The following FMO1 variants were observed in gnomAD, a reference collection of about 807,000 sequenced individuals.
FMO1 encodes flavin containing dimethylaniline monoxygenase 1, also known as flavin-containing monooxygenase 1.
In FMO1, 36 loss-of-function variants were observed where a neutral mutation model predicts 45.4. The ratio of observed to expected loss-of-function variants is 0.79; its 90% CI spans 0.61 to 1.05. FMO1 has a LOEUF of 1.05. Ranked by LOEUF, FMO1 falls within the 50% of genes least tolerant of loss-of-function variation. FMO1 has a pLI of 0.00. For synonymous variants in FMO1, 228 were observed against 227.2 expected, an observed-to-expected ratio of 1.00 and a Z score of -0.03; for missense variants, 615 against 640.3, an observed-to-expected ratio of 0.96 and a Z score of 0.43.
At chr1:171,274,449 A>G (rs879622448) in intron 3 of FMO1, among the ~76,000 whole-genome samples, 9 of 151,912 alleles carry the variant, frequency 5.9e-5, no homozygotes, top group Admixed American at 3.9e-4. Flanking sequence ...TTTTTTGTAA[A>G]GATGGGATTT....
chr1:171,283,039 G>T, intron 7 of FMO1, 105 bp from the exon 8 acceptor site: 2 of 693,448 alleles, frequency 2.9e-6, no homozygotes, highest in Non-Finnish European at 5.1e-6. Context: ...ATGAGTAGCT[G>T]GTACTAGACG....
At chr1:171,285,045 A>G (rs528505194) in intron 8 of FMO1, among the ~76,000 whole-genome samples, 157 bp from the exon 9 acceptor site, 28 of 152,360 alleles carry the variant, frequency 1.8e-4, no homozygotes, top group African/African-American at 6.3e-4. Flanking sequence ...TTTAAGAAAC[A>G]GAAGGAGACC....
chr1:171,265,390 C>T (rs1279859353), intron 2 of FMO1, among the ~76,000 whole-genome samples: 4 of 120,536 alleles, frequency 3.3e-5, no homozygotes, highest in Non-Finnish European at 6.8e-5. Context: ...GGCTCCGTCT[C>T]AAAAAAAGAA....
At chr1:171,281,778 T>C (rs536869155) in intron 6 of FMO1, among the ~76,000 whole-genome samples, 200 bp from the exon 7 acceptor site, 1 of 152,270 alleles carries the variant, frequency 6.6e-6, no homozygotes, top group East Asian at 1.9e-4. Context: ...TTCCAAACTC[T>C]AGTAAATGGC....
chr1:171,254,581 A>C (rs2101792643), intron 1 of FMO1, among the ~76,000 whole-genome samples: 1 of 152,280 alleles, frequency 6.6e-6, no homozygotes, highest in Admixed American at 6.5e-5. Flanking sequence ...ATATATACAG[A>C]AGACTAATAG....
At chr1:171,256,637 A>G (rs992296090) in intron 1 of FMO1, among the ~76,000 whole-genome samples, 4 of 152,150 alleles carry the variant, frequency 2.6e-5, no homozygotes, top group Non-Finnish European at 4.4e-5. Context: ...TGTTGCTTGA[A>G]AAAAGAGGAC....
intron 1 of FMO1, among the ~76,000 whole-genome samples, chr1:171,250,470 G>A (rs1288765466): frequency 6.6e-6 from 1 of 152,204 alleles, no homozygotes; most frequent in Admixed American, 6.5e-5. Context: ...GTTTGGTAAT[G>A]ACAGGCGTCA....
At chr1:171,285,149 A>C in intron 8 of FMO1, 53 bp from the exon 9 acceptor site, 1 of 1,237,746 alleles carries the variant, frequency 8.1e-7, no homozygotes, top group Admixed American at 2.3e-5. Context: ...ACTTGTTCTA[A>C]GATTATCAGT....
chr1:171,282,079 C>A lies in FMO1; in HGVS notation c.929C>A (p.Ser310Tyr). The A allele has an allele frequency of 6.2e-7, 1 of 1,613,818 alleles. No individual in the cohort carries two copies. The highest frequency in any genetic ancestry group is 8.5e-7 in the Non-Finnish European group (1 of 1,179,790). ...AGCATAAAAGAGGTAAAGGAAAACTCTGTCATATTTAACAATACTTCAAAG... is the reference window on the plus strand; with the variant it reads ...AGCATAAAAGAGGTAAAGGAAAACTATGTCATATTTAACAATACTTCAAAG... The part of the protein sequence containing the change: ...RPSIKEVKEN[S>Y]VIFNNTSKEE... Residue 310 changes from serine to tyrosine, a missense_variant, in exon 7 of 9, where the codon TCT becomes TAT. Physicochemically the swap from Ser to Tyr is moderately radical, Grantham distance 144 (BLOSUM62 -2). Coordinates refer to ENST00000617670, the MANE Select transcript of FMO1 (RefSeq NM_001282693.2).
At chr1:171,268,807 A>G (rs939224153) in intron 3 of FMO1, among the ~76,000 whole-genome samples, 4 of 152,170 alleles carry the variant, frequency 2.6e-5, no homozygotes, top group African/African-American at 9.7e-5. Context: ...CACGACCTTA[A>G]AAGTCCTCTG....
chr1:171,268,189 T>C (rs1010713965), intron 3 of FMO1, among the ~76,000 whole-genome samples: 1 of 152,132 alleles, frequency 6.6e-6, no homozygotes, highest in African/African-American at 2.4e-5. Flanking sequence ...TAAGCTCAGG[T>C]GATTCTCCCA....
chr1:171,282,183 G>T lies in FMO1; in HGVS notation c.1033G>T (p.Val345Phe), dbSNP rs1201200614. The T allele has an allele frequency of 6.2e-7, 1 of 1,614,046 alleles. No homozygotes were observed. Among genetic ancestry groups the T allele is most frequent in the East Asian group, 2.2e-5 (1 of 44,888 alleles). ...CTTCCTTGATGAGTCTGTAGTGAAA[G>T]TTGAAGATGGCCAGGCCTCACTGTA... ...FPFLDESVVK[V>F]EDGQASLYKY... Residue 345 changes from valine to phenylalanine, a missense_variant, in exon 7 of 9, where the codon GTT (valine) becomes TTT (phenylalanine). Transcript: ENST00000617670.
chr1:171,264,324 G>A (rs1295683990), intron 2 of FMO1, among the ~76,000 whole-genome samples: 3 of 146,740 alleles, frequency 2.0e-5, no homozygotes, highest in Non-Finnish European at 4.5e-5. Context: ...TTGTGTGTGT[G>A]TATATATATA....
chr1:171,278,694 A>C, intron 4 of FMO1, 35 bp from the exon 5 acceptor site: 2 of 1,469,622 alleles, frequency 1.4e-6, no homozygotes, highest in Non-Finnish European at 1.9e-6. Context: ...TGATCCTGTT[A>C]ATTCTCTGTG....
chr1:171,281,225 G>C (rs1661347872), intron 6 of FMO1, among the ~76,000 whole-genome samples: 1 of 152,162 alleles, frequency 6.6e-6, no homozygotes, highest in Non-Finnish European at 1.5e-5. Context: ...TGGAGAAACT[G>C]AAACAGCAAA....
intron 2 of FMO1, among the ~76,000 whole-genome samples, chr1:171,259,264 T>A (rs1489610922): frequency 6.6e-6 from 1 of 152,208 alleles, no homozygotes; most frequent in Non-Finnish European, 1.5e-5. Context: ...GGTTACTAGT[T>A]TAGTCACAGT....
chr1:171,255,136 A>G (rs953324845), intron 1 of FMO1, among the ~76,000 whole-genome samples: 1 of 152,212 alleles, frequency 6.6e-6, no homozygotes, highest in Non-Finnish European at 1.5e-5. Flanking sequence ...TTCACCCTCT[A>G]TATAATGTGT....
chr1:171,257,862 T>A (rs1430174311), intron 1 of FMO1: 1 of 514,282 alleles, frequency 1.9e-6, no homozygotes, highest in Non-Finnish European at 3.5e-6. Flanking sequence ...TACGAACATT[T>A]GGCACTGGTG....
intron 1 of FMO1, among the ~76,000 whole-genome samples, chr1:171,256,809 T>TA (rs1415572497): frequency 2.6e-5 from 4 of 152,012 alleles, no homozygotes; most frequent in African/African-American, 7.2e-5. Context: ...ACCTGTGAAA[T>TA]AAAAAATAGC....
Sources: allele counts gnomAD v4.1 joint callset (sites outside exome capture counted in the v4.1 genomes callset), GRCh38; gene constraint gnomAD v4.1.1; transcripts MANE v1.5; gene names NCBI Gene and HGNC (gene_info 2026-07-23, HGNC 2026-07-21).